Variants in ARL5B observed in about 807,000 individuals in gnomAD.
ARL5B encodes ADP-ribosylation factor-like protein 5B.
A neutral mutation model predicts 26.9 loss-of-function variants in ARL5B; 10 were observed. The ratio of observed to expected loss-of-function variants is 0.37; its 90% CI spans 0.23 to 0.63. The LOEUF (loss-of-function observed/expected upper bound fraction) is 0.63. Among genes scored for constraint, ARL5B ranks in the 30% least tolerant of loss-of-function variants. The probability of loss-of-function intolerance (pLI) is 0.62; values close to 1 mark genes in which losing one functional copy is unlikely to be tolerated. For synonymous variants in ARL5B, 87 were observed against 70.4 expected (o/e 1.24, Z -1.18); for missense variants, 167 against 213.9 (o/e 0.78, Z 1.37).
Position 18,679,680 on chromosome 10 carries a change from C to T in ARL5B, c.*4464C>T, listed in dbSNP as rs1030398057. On this transcript the variant is annotated 3_prime_UTR_variant, in exon 6 of 6. Transcript: ENST00000377275. The stretch of plus-strand genomic sequence containing the variant: ...TTGTGCCCCTCAGACCTAAAGGCAG[C>T]TTTAAATGTATATAGTTTGGTGAAA... 6.6e-6 allele frequency: 1 copy of T among 151,628 alleles called. No homozygotes were observed. The highest frequency in any genetic ancestry group is 2.4e-5 in the African/African-American group (1 of 41,324). 9.4% of individuals were successfully genotyped at this position (151,628 alleles called of 1,614,324 possible). A position where few individuals can be genotyped will look rare whatever the true frequency, so the allele number is the denominator to read the frequency against.
chr10:18,662,766 C>A (rs191095832), intron 1 of ARL5B, among the ~76,000 whole-genome samples: 1 of 142,544 alleles, frequency 7.0e-6, no homozygotes, highest in African/African-American at 2.6e-5. Context: ...TGCAGTGGTG[C>A]GATCTCGGTC....
At chr10:18,674,882 A>G (rs2059903728) in intron 5 of ARL5B, among the ~76,000 whole-genome samples, 1 of 152,158 alleles carries the variant, frequency 6.6e-6, no homozygotes, top group Non-Finnish European at 1.5e-5. Context: ...GTTAAGTTTC[A>G]GTTAATTTTA....
At position 18,668,526 on chromosome 10, in the gene ARL5B, A is replaced by G. The variant is rs544197750; in HGVS notation, c.108-4A>G. The G allele has an allele frequency of 1.9e-6, 3 of 1,613,146 alleles. No individual in the cohort carries two copies. Among genetic ancestry groups the G allele is most frequent in the South Asian group, 1.1e-5 (1 of 90,758 alleles). ...GAGCTTTTACGGTGTCTGTTTTTCAACAGCTTAATGAATGAAGTGGTTCAT... is the reference window on the plus strand; with the variant it reads ...GAGCTTTTACGGTGTCTGTTTTTCAGCAGCTTAATGAATGAAGTGGTTCAT... On this transcript the variant is annotated splice_region_variant and splice_polypyrimidine_tract_variant and intron_variant, in intron 2 of 5. Transcript: ENST00000377275.
At chr10:18,661,906 G>A (rs921118969) in intron 1 of ARL5B, among the ~76,000 whole-genome samples, 1 of 152,154 alleles carries the variant, frequency 6.6e-6, no homozygotes, top group Non-Finnish European at 1.5e-5. Context: ...GTTTGCTTGC[G>A]AGGAGTGAAG....
chr10:18,664,832 G>A (rs767193854), intron 1 of ARL5B, among the ~76,000 whole-genome samples: 49 of 152,138 alleles, frequency 3.2e-4, no homozygotes, highest in Admixed American at 1.5e-3. Flanking sequence ...CAGGCCTTCA[G>A]TATTATGTGA....
chr10:18,667,697 A>G (rs1347138570), intron 2 of ARL5B, among the ~76,000 whole-genome samples: 6 of 141,270 alleles, frequency 4.2e-5, no homozygotes, highest in Non-Finnish European at 9.1e-5. Flanking sequence ...AGTATTCTAA[A>G]TATATATATA....
At position 18,676,745 on chromosome 10, in the gene ARL5B, T is replaced by C. The variant is rs750459739; in HGVS notation, c.*1529T>C. Reference sequence around the variant, plus strand: ...TTTTGTAAGTTGATTTAAATTTTGCTCTTTTTTCAGGTGTGCTTGGTTTAT... The same window carrying C: ...TTTTGTAAGTTGATTTAAATTTTGCCCTTTTTTCAGGTGTGCTTGGTTTAT... On this transcript the variant is annotated 3_prime_UTR_variant, in exon 6 of 6. Coordinates refer to ENST00000377275, the MANE Select transcript of ARL5B (RefSeq NM_178815.5). 5 of 152,046 alleles carry C rather than the reference T, an allele frequency of 3.3e-5. No individual in the cohort carries two copies. Among genetic ancestry groups the C allele is most frequent in the Non-Finnish European group, 7.4e-5 (5 of 67,876 alleles). 9.4% of individuals were successfully genotyped at this position (152,046 alleles called of 1,614,324 possible).
intron 3 of ARL5B, among the ~76,000 whole-genome samples, chr10:18,669,952 C>T (rs901917825): frequency 1.3e-5 from 2 of 148,592 alleles, no homozygotes; most frequent in African/African-American, 5.0e-5. Context: ...CGAGGTGGCA[C>T]CACTGCACTC....
intron 1 of ARL5B, chr10:18,659,941 A>G: frequency 1.0e-6 from 1 of 985,392 alleles, no homozygotes; most frequent in Non-Finnish European, 1.2e-6. Context: ...ATATTGGCGA[A>G]GTAAAGCGGG....
At position 18,672,671 on chromosome 10, in the gene ARL5B, C is replaced by T; in HGVS notation, c.305C>T (p.Thr102Ile). ...DSIDRERLAITKEELYRMLAH... is the reference protein window; with the variant it reads ...DSIDRERLAIIKEELYRMLAH... ...ATTGACAGGGAACGACTAGCTATTACAAAAGAAGAATTATACAGAATGTTG... is the reference window on the plus strand; with the variant it reads ...ATTGACAGGGAACGACTAGCTATTATAAAAGAAGAATTATACAGAATGTTG... Residue 102 changes from threonine (T) to isoleucine (I), a missense_variant, in exon 4 of 6, where the codon ACA (threonine) becomes ATA (isoleucine). By Grantham distance (89) the Thr-to-Ile change is moderately conservative. Coordinates refer to ENST00000377275, the MANE Select transcript of ARL5B (RefSeq NM_178815.5). The T allele has an allele frequency of 6.2e-7, 1 of 1,609,916 alleles. No homozygotes were observed.
chr10:18,664,367 G>A (rs1030286011), intron 1 of ARL5B, among the ~76,000 whole-genome samples: 1 of 150,020 alleles, frequency 6.7e-6, no homozygotes, highest in Admixed American at 6.6e-5. Flanking sequence ...AATTACAGGT[G>A]TGAGTCATTG....
At chr10:18,673,135 T>C (rs2059895392) in intron 4 of ARL5B, among the ~76,000 whole-genome samples, 1 of 152,132 alleles carries the variant, frequency 6.6e-6, no homozygotes, top group South Asian at 2.1e-4. Context: ...CGATCTTGGC[T>C]CACTGCAACC....
intron 3 of ARL5B, among the ~76,000 whole-genome samples, chr10:18,671,071 C>T (rs2059884839): frequency 6.6e-6 from 1 of 151,836 alleles, no homozygotes; most frequent in Non-Finnish European, 1.5e-5. Context: ...CAGTTGTTTC[C>T]CATATTCTGT....
chr10:18,679,427 C>G lies in ARL5B; in HGVS notation c.*4211C>G, dbSNP rs766613499. The G allele has an allele frequency of 6.6e-6, 1 of 151,836 alleles. No homozygotes were observed. The highest frequency in any genetic ancestry group is 1.5e-5 in the Non-Finnish European group (1 of 67,806). 9.4% of individuals were successfully genotyped at this position (151,836 alleles called of 1,614,324 possible). On this transcript the variant is annotated 3_prime_UTR_variant, in exon 6 of 6. Coordinates refer to ENST00000377275, the MANE Select transcript of ARL5B (RefSeq NM_178815.5). ...CAGGTTGTCAGTCTTTTACAAATGT[C>G]TACATAAATGTCTACATAAATCTGA... is the stretch of plus-strand genomic sequence containing the variant.
intron 3 of ARL5B, among the ~76,000 whole-genome samples, chr10:18,668,878 T>G (rs2059874016): frequency 6.6e-6 from 1 of 151,154 alleles, no homozygotes; most frequent in African/African-American, 2.4e-5. Context: ...CAAGCCATTC[T>G]CCTGCCTCAG....
Position 18,665,294 on chromosome 10 carries a change from C to G in ARL5B, c.47-1281C>G, listed in dbSNP as rs536658095. On this transcript the variant is annotated intron_variant, in intron 1 of 5. Coordinates refer to ENST00000377275, the MANE Select transcript of ARL5B (RefSeq NM_178815.5). ...GGTCGAGGCTGCAGTGATCATGCCCCTGCACTCCAGCCTGGGCAACAAAGC... is the reference window on the plus strand; with the variant it reads ...GGTCGAGGCTGCAGTGATCATGCCCGTGCACTCCAGCCTGGGCAACAAAGC... Among the ~76,000 whole-genome samples the G allele has an allele frequency of 6.6e-5, 10 of 152,240 alleles. No homozygotes were observed. In the South Asian group the frequency reaches 2.1e-3, roughly 32 times the overall value.
intron 1 of ARL5B, chr10:18,660,012 T>C: frequency 1.1e-6 from 1 of 920,584 alleles, no homozygotes; most frequent in Non-Finnish European, 1.3e-6. Flanking sequence ...TGAAGCGTGC[T>C]TGTGTCTATG....
rs563417281 is a variant in ARL5B, at chr10:18,678,059, T to C, written c.*2843T>C. 7 of 151,828 alleles carry C rather than the reference T, an allele frequency of 4.6e-5. No homozygotes were observed. Among genetic ancestry groups the C allele is most frequent in the African/African-American group, 9.7e-5 (4 of 41,428 alleles). The allele number at this position is 151,828 out of a possible 1,614,324, so 9.4% of individuals were successfully genotyped here. A position where few individuals can be genotyped will look rare whatever the true frequency, so the allele number is the denominator to read the frequency against. ...TTCATCTTTAAACCCATCATTCTTA[T>C]TGAAGCCCATTTGAGAACTCTTAGA... On this transcript the variant is annotated 3_prime_UTR_variant, in exon 6 of 6. Coordinates refer to ENST00000377275, the MANE Select transcript of ARL5B (RefSeq NM_178815.5).
intron 3 of ARL5B, among the ~76,000 whole-genome samples, chr10:18,670,830 C>A (rs964098158): frequency 1.3e-5 from 2 of 152,134 alleles, no homozygotes; most frequent in Non-Finnish European, 2.9e-5. Context: ...GAGGACTTAG[C>A]ATGGGTCCAG....
Sources: gnomAD v4.1 joint callset for allele counts (sites outside exome capture counted in the v4.1 genomes callset) on GRCh38, gnomAD v4.1.1 for gene constraint, MANE v1.5 for transcripts, NCBI Gene and HGNC (gene_info 2026-07-23, HGNC 2026-07-21) for gene names.